The following CRISPLD2 variants were observed in gnomAD, a reference collection of about 807,000 sequenced individuals.
CRISPLD2 encodes the protein cysteine rich secretory protein LCCL domain containing 2, also known as cysteine-rich secretory protein LCCL domain-containing 2.
A neutral mutation model predicts 71.1 loss-of-function variants in CRISPLD2; 47 were observed. The ratio of observed to expected loss-of-function variants is 0.66; its 90% CI spans 0.52 to 0.84. The LOEUF is 0.84. Ranked by LOEUF, CRISPLD2 falls within the 40% of genes least tolerant of loss-of-function variation. The probability of loss-of-function intolerance (pLI) is 0.00; values close to 1 mark genes in which losing one functional copy is unlikely to be tolerated. For missense variants in CRISPLD2, 830 were observed against 651.1 expected, an observed-to-expected ratio of 1.27 and a Z score of -2.99; for synonymous variants, 317 against 250.1, an observed-to-expected ratio of 1.27 and a Z score of -2.52.
chr16:84,850,554 T>A lies in CRISPLD2; in HGVS notation c.493-14T>A. ...TATCCCTCGAGCTGTGACACACAAA[T>A]GTCATCTTTTCAGATAGTTTGGGCC... On this transcript the variant is annotated splice_polypyrimidine_tract_variant and intron_variant, in intron 4 of 14. Transcript: ENST00000262424. The A allele has an allele frequency of 6.2e-7, 1 of 1,610,954 alleles. No homozygotes were observed. Among genetic ancestry groups the A allele is most frequent in the Non-Finnish European group, 8.5e-7 (1 of 1,177,116 alleles).
Position 84,849,469 on chromosome 16 carries a change from C to G in CRISPLD2, c.444C>G (p.Pro148=). ...YTYPYPSECN[P]WCPERCSGPM... Reference sequence around the variant, plus strand: ...ACCCCTACCCGAGCGAGTGCAACCCCTGGTGTCCAGAGAGGTGCTCGGGGC... The same window carrying G: ...ACCCCTACCCGAGCGAGTGCAACCCGTGGTGTCCAGAGAGGTGCTCGGGGC... Residue 148 remains proline, a synonymous_variant, in exon 4 of 15, where the codon CCC becomes CCG. Coordinates refer to ENST00000262424, the MANE Select transcript of CRISPLD2 (RefSeq NM_031476.4). The G allele has an allele frequency of 1.2e-6, 2 of 1,614,138 alleles. No homozygotes were observed. Among genetic ancestry groups the G allele is most frequent in the Non-Finnish European group, 8.5e-7 (1 of 1,179,980 alleles).
intron 6 of CRISPLD2, among the ~76,000 whole-genome samples, chr16:84,856,610 G>T (rs1021017712): frequency 6.6e-6 from 1 of 152,138 alleles, no homozygotes; most frequent in African/African-American, 2.4e-5. Context: ...TCCTGAACTC[G>T]TGAATATTGG....
At position 84,838,655 on chromosome 16, in the gene CRISPLD2, G is replaced by A. The variant is rs1167088388; in HGVS notation, c.160G>A (p.Glu54Lys). 6.2e-7 allele frequency: 1 copy of A among 1,614,252 alleles called. No individual in the cohort carries two copies. The highest frequency in any genetic ancestry group is 8.5e-7 in the Non-Finnish European group (1 of 1,180,046). Residue 54 changes from glutamate to lysine, a missense_variant, in exon 2 of 15, where the codon GAG becomes AAG. Glu to Lys is a moderately conservative substitution (Grantham distance 56). Coordinates refer to ENST00000262424, the MANE Select transcript of CRISPLD2 (RefSeq NM_031476.4). ...CCGGGTCCGCAGAGCCATCCCCAGG[G>A]AGGACAAGGAGGAGATCCTCATGCT... ...HSRVRRAIPR[E>K]DKEEILMLHN...
In CRISPLD2 at chr16:84,854,971, G is replaced by A. The variant is rs574791874; in HGVS notation, c.709+142G>A. On this transcript the variant is annotated intron_variant, in intron 6 of 14. Transcript: ENST00000262424. ...AAGACGCTCTCAGCACATTCCTCCC[G>A]CCTCCGTGATGAGCTGAGCCTCATC... 1.7e-3 allele frequency: 1,142 copies of A among 682,290 alleles called. 14 individuals are homozygous for A. The highest frequency in any genetic ancestry group is 0.013 in the Middle Eastern group (52 of 4,126). 42.3% of individuals were successfully genotyped at this position (682,290 alleles called of 1,614,324 possible).
chr16:84,869,227 G>A (rs1425765125), intron 8 of CRISPLD2, among the ~76,000 whole-genome samples: 2 of 152,194 alleles, frequency 1.3e-5, no homozygotes, highest in African/African-American at 4.8e-5. Flanking sequence ...TCATTCAGAT[G>A]ATGAACGCTG....
intron 1 of CRISPLD2, among the ~76,000 whole-genome samples, chr16:84,834,295 G>T (rs773149528): frequency 6.6e-6 from 1 of 152,242 alleles, no homozygotes; most frequent in African/African-American, 2.4e-5. Context: ...CTTGATGTTG[G>T]CAAGCCCGGG....
intron 3 of CRISPLD2, among the ~76,000 whole-genome samples, chr16:84,846,328 C>T (rs560969196): frequency 6.6e-6 from 1 of 151,152 alleles, no homozygotes; most frequent in South Asian, 2.1e-4. Flanking sequence ...TCTCGGCTCA[C>T]TGCAACCTCT....
chr16:84,890,431 C>T (rs1258445594), intron 14 of CRISPLD2, among the ~76,000 whole-genome samples: 1 of 152,024 alleles, frequency 6.6e-6, no homozygotes, highest in Non-Finnish European at 1.5e-5. Context: ...TATTTCCACT[C>T]GAGACCATAC....
chr16:84,881,249 C>G (rs1422127543), intron 13 of CRISPLD2, among the ~76,000 whole-genome samples: 1 of 152,218 alleles, frequency 6.6e-6, no homozygotes, highest in Non-Finnish European at 1.5e-5. Flanking sequence ...CACTGTATTT[C>G]TTCTCAGTTA....
intron 1 of CRISPLD2, chr16:84,836,210 A>G (rs1916613567): frequency 6.6e-6 from 1 of 152,226 alleles, no homozygotes; most frequent in Non-Finnish European, 1.5e-5. Flanking sequence ...CTCATTATGT[A>G]CATGCAAATC....
chr16:84,881,574 G>A (rs1204195736), intron 13 of CRISPLD2, among the ~76,000 whole-genome samples: 4 of 152,218 alleles, frequency 2.6e-5, no homozygotes, highest in Non-Finnish European at 4.4e-5. Context: ...ATCAAATCCA[G>A]GGAATCTTCT....
chr16:84,825,404 A>C (rs761265857), intron 1 of CRISPLD2, among the ~76,000 whole-genome samples: 2 of 152,154 alleles, frequency 1.3e-5, no homozygotes, highest in Non-Finnish European at 2.9e-5. Context: ...CTCTACAAAA[A>C]ATTTAAAAAT....
intron 2 of CRISPLD2, among the ~76,000 whole-genome samples, chr16:84,840,857 A>C (rs981436451): frequency 3.9e-5 from 6 of 152,108 alleles, no homozygotes; most frequent in Non-Finnish European, 8.8e-5. Context: ...ATATTTATTG[A>C]ATGTGTGGGT....
chr16:84,831,797 C>T (rs530942035), intron 1 of CRISPLD2, among the ~76,000 whole-genome samples: 6 of 152,190 alleles, frequency 3.9e-5, no homozygotes, highest in Admixed American at 2.0e-4. Flanking sequence ...TGCAGAGGCA[C>T]GATCTCGGCT....
At position 84,849,367 on chromosome 16, in the gene CRISPLD2, G is replaced by C; in HGVS notation, c.360-18G>C. 3 of 1,607,384 alleles carry C rather than the reference G, an allele frequency of 1.9e-6. No individual in the cohort carries two copies. The highest frequency in any genetic ancestry group is 2.6e-6 in the Non-Finnish European group (3 of 1,174,858). On this transcript the variant is annotated intron_variant, in intron 3 of 14. Transcript: ENST00000262424. ...GAGGGGAGGGGCTGGGACTGAGTGAGCGGTTTCTGCCCTGCAGGTATCGCT... is the reference window on the plus strand; with the variant it reads ...GAGGGGAGGGGCTGGGACTGAGTGACCGGTTTCTGCCCTGCAGGTATCGCT...
chr16:84,848,218 C>T (rs1297825010), intron 3 of CRISPLD2, among the ~76,000 whole-genome samples: 1 of 152,194 alleles, frequency 6.6e-6, no homozygotes, highest in Non-Finnish European at 1.5e-5. Context: ...GGCCAGCAGC[C>T]CTCTGCTCCT....
chr16:84,870,361 C>T (rs1174259410), intron 8 of CRISPLD2, among the ~76,000 whole-genome samples: 1 of 151,830 alleles, frequency 6.6e-6, no homozygotes, highest in Non-Finnish European at 1.5e-5. Flanking sequence ...GCTCTGTCAC[C>T]CAGGCTGAAG....
At chr16:84,822,611 C>G (rs1916256097) in intron 1 of CRISPLD2, among the ~76,000 whole-genome samples, 2 of 152,100 alleles carry the variant, frequency 1.3e-5, no homozygotes, top group African/African-American at 4.8e-5. Context: ...ATGTGCAAAC[C>G]CAGGATCACT....
chr16:84,906,605 A>T lies in CRISPLD2; in HGVS notation c.1457A>T (p.Asp486Val), dbSNP rs1476873050. ...TTTTTCAGCCTGGGGACTCCTCGGG[A>T]TGGAAAGGCCTTCCGGATCTTTGCT... ...VQSESLGTPR[D>V]GKAFRIFAVR... Residue 486 changes from aspartate (D) to valine (V), a missense_variant, in exon 15 of 15, where the codon GAT (aspartate) becomes GTT (valine). Transcript: ENST00000262424. 3 of 1,613,286 alleles carry T rather than the reference A, an allele frequency of 1.9e-6. No individual in the cohort carries two copies. Among genetic ancestry groups the T allele is most frequent in the Non-Finnish European group, 1.7e-6 (2 of 1,180,014 alleles).
Sources: gnomAD v4.1 joint callset for allele counts (sites outside exome capture counted in the v4.1 genomes callset) on GRCh38, gnomAD v4.1.1 for gene constraint, MANE v1.5 for transcripts, NCBI Gene and HGNC (gene_info 2026-07-23, HGNC 2026-07-21) for gene names.